Variants in SLF2 observed in about 807,000 individuals in gnomAD.
SLF2 encodes SMC5/6 complex localization factor 2.
A neutral mutation model predicts 124.3 loss-of-function variants in SLF2; 68 were observed. The ratio of observed to expected loss-of-function variants is 0.55; its 90% confidence interval spans 0.45 to 0.67. The LOEUF is 0.67. Among genes scored for constraint, SLF2 ranks in the 30% least tolerant of loss-of-function variants. The pLI is 0.00. For synonymous variants in SLF2, 480 were observed against 478.8 expected (o/e 1.00, Z -0.03); for missense variants, 1,246 against 1,373.7 (o/e 0.91, Z 1.47).
At chr10:100,948,895 C>T (rs1589963667) in intron 15 of SLF2, among the ~76,000 whole-genome samples, 1 of 152,140 alleles carries the variant, frequency 6.6e-6, no homozygotes, top group African/African-American at 2.4e-5. Flanking sequence ...CAAAAAAAAG[C>T]CCCATAGAAC....
chr10:100,961,928 CA>C lies in SLF2; in HGVS notation c.*21del. Reference sequence around the variant, plus strand: ...AGATTCTTAATAGGAGTTGCAGCAGCAAAAATATGAACCAAGAGAAATTCAA... The same window carrying C: ...AGATTCTTAATAGGAGTTGCAGCAGCAAAATATGAACCAAGAGAAATTCAA... On this transcript the variant is annotated 3_prime_UTR_variant, in exon 20 of 20. Transcript: ENST00000238961. The C allele has an allele frequency of 6.3e-7, 1 of 1,599,726 alleles. No individual in the cohort carries two copies. Among genetic ancestry groups the C allele is most frequent in the African/African-American group, 1.3e-5 (1 of 74,702 alleles).
At chr10:100,952,546 CAA>C (rs1189289965) in intron 17 of SLF2, among the ~76,000 whole-genome samples, 22 of 81,636 alleles carry the variant, frequency 2.7e-4, no homozygotes, top group Admixed American at 5.2e-4. Flanking sequence ...GACTCCACCT[CAA>C]AAAAAAAAAA....
At position 100,963,755 on chromosome 10, in the gene SLF2, A is replaced by T. The variant is rs1226672049; in HGVS notation, c.*1843A>T. 12 of 152,200 alleles carry T rather than the reference A, an allele frequency of 7.9e-5. No homozygotes were observed. Among genetic ancestry groups the T allele is most frequent in the Admixed American group, 7.2e-4 (11 of 15,230 alleles). 9.4% of individuals were successfully genotyped at this position (152,200 alleles called of 1,614,324 possible). Reference sequence around the variant, plus strand: ...GTGTAAATATTTTCTAATTGTGTACATTGATGGGGGGGACAAGTGGGTTAT... The same window carrying T: ...GTGTAAATATTTTCTAATTGTGTACTTTGATGGGGGGGACAAGTGGGTTAT... On this transcript the variant is annotated 3_prime_UTR_variant, in exon 20 of 20. Coordinates refer to ENST00000238961, the MANE Select transcript of SLF2 (RefSeq NM_018121.4).
At chr10:100,944,183 G>T in intron 12 of SLF2, 55 bp downstream of exon 12, 1 of 1,202,782 alleles carries the variant, frequency 8.3e-7, no homozygotes, top group South Asian at 1.5e-5. Context: ...TTTAGTCTGT[G>T]GTTAATGGTT....
At position 100,925,953 on chromosome 10, in the gene SLF2, A is replaced by T; in HGVS notation, c.1976A>T (p.His659Leu). ...TTCTAAATGTTCTTGTTTTAGGGAC[A>T]TGTTCATCCTGGAACTTACACAAAT... ...LRSQSSDYTG[H>L]VHPGTYTNTL... The change falls in exon 6 of 20, where the codon CAT becomes CTT. Residue 659 changes from histidine (H) to leucine (L), a missense_variant. By Grantham distance (99) the His-to-Leu change is moderately conservative (BLOSUM62 -3). Coordinates refer to ENST00000238961, the MANE Select transcript of SLF2 (RefSeq NM_018121.4). 6.3e-7 allele frequency: 1 copy of T among 1,589,200 alleles called. No individual in the cohort carries two copies. Among genetic ancestry groups the T allele is most frequent in the East Asian group, 2.2e-5 (1 of 44,664 alleles).
chr10:100,957,496 G>A (rs988118589), intron 18 of SLF2, among the ~76,000 whole-genome samples: 1 of 151,114 alleles, frequency 6.6e-6, no homozygotes, highest in African/African-American at 2.4e-5. Flanking sequence ...GATTACAGGC[G>A]CCCGCTACCA....
intron 4 of SLF2, among the ~76,000 whole-genome samples, chr10:100,919,001 C>CTTTTTTTTT (rs528512219): frequency 6.6e-5 from 7 of 105,704 alleles, no homozygotes; most frequent in African/African-American, 1.3e-4. Flanking sequence ...GAAACATAAT[C>CTTTTTTTTT]TTTTTTTTTT....
chr10:100,934,141 T>C (rs1264803683), intron 9 of SLF2, among the ~76,000 whole-genome samples: 3 of 152,258 alleles, frequency 2.0e-5, no homozygotes, highest in Non-Finnish European at 2.9e-5. Context: ...AAAATTGCCA[T>C]GTAACTTAAC....
At chr10:100,921,357 C>CG (rs1564770907) in intron 4 of SLF2, among the ~76,000 whole-genome samples, 2 of 152,220 alleles carry the variant, frequency 1.3e-5, no homozygotes, top group African/African-American at 4.8e-5. Context: ...GCTGGGATTA[C>CG]GGGCGTGAGC....
intron 15 of SLF2, 118 bp from the exon 16 acceptor site, chr10:100,949,958 T>G (rs1564783493): frequency 1.0e-6 from 1 of 1,004,442 alleles, no homozygotes; most frequent in African/African-American, 1.6e-5. Context: ...TATTGTTAAG[T>G]GTAAAGAAAG....
intron 6 of SLF2, among the ~76,000 whole-genome samples, chr10:100,928,939 A>G (rs1440124506): frequency 6.6e-6 from 1 of 152,190 alleles, no homozygotes; most frequent in African/African-American, 2.4e-5. Context: ...AGTGAACTTT[A>G]AAGAGTAGAG....
intron 11 of SLF2, among the ~76,000 whole-genome samples, chr10:100,940,598 G>T (rs1849950485): frequency 6.6e-6 from 1 of 152,058 alleles, no homozygotes; most frequent in African/African-American, 2.4e-5. Flanking sequence ...CTGAGCTCAG[G>T]CGATCCGCCG....
At chr10:100,951,399 C>T (rs1239148782) in intron 17 of SLF2, among the ~76,000 whole-genome samples, 4 of 152,170 alleles carry the variant, frequency 2.6e-5, no homozygotes, top group Non-Finnish European at 5.9e-5. Context: ...ATATTGACTC[C>T]AGTAGAAATG....
Position 100,922,815 on chromosome 10 carries a change from G to A in SLF2, c.974-1160G>A, listed in dbSNP as rs557879959. On this transcript the variant is annotated intron_variant, in intron 4 of 19. Coordinates refer to ENST00000238961, the MANE Select transcript of SLF2 (RefSeq NM_018121.4). ...TTTTGAAACGGAGTCTTGCTCTGTT[G>A]CCCAGACTGGCGTGCAGTGGTGCCG... is the stretch of plus-strand genomic sequence containing the variant. Among the ~76,000 whole-genome samples, 4 of 140,796 alleles carry A rather than the reference G, an allele frequency of 2.8e-5. No individual in the cohort carries two copies. The Admixed American group carries it at 3.0e-4, about 10-fold the overall frequency. The allele number at this position is 140,796 out of a possible 152,430, so 92.4% of individuals were successfully genotyped here. A position where few individuals can be genotyped will look rare whatever the true frequency, so the allele number is the denominator to read the frequency against.
chr10:100,946,445 A>G (rs1343754235), intron 13 of SLF2, among the ~76,000 whole-genome samples: 6 of 149,730 alleles, frequency 4.0e-5, no homozygotes, highest in Admixed American at 2.7e-4. Flanking sequence ...TCATTCCTCA[A>G]CCTCCCGAGT....
In SLF2 at chr10:100,961,967, A is replaced by T; in HGVS notation, c.*55A>T. The T allele has an allele frequency of 6.7e-7, 1 of 1,497,932 alleles. No homozygotes were observed. The highest frequency in any genetic ancestry group is 9.2e-7 in the Non-Finnish European group (1 of 1,085,202). 92.8% of individuals were successfully genotyped at this position (1,497,932 alleles called of 1,614,324 possible). A position where few individuals can be genotyped will look rare whatever the true frequency, so the allele number is the denominator to read the frequency against. Reference sequence around the variant, plus strand: ...AAGAGAAATTCAATAAGAGCCTTTCATAGAGGAGTAGAAAGGATTATTACA... The same window carrying T: ...AAGAGAAATTCAATAAGAGCCTTTCTTAGAGGAGTAGAAAGGATTATTACA... On this transcript the variant is annotated 3_prime_UTR_variant, in exon 20 of 20. Transcript: ENST00000238961.
chr10:100,928,079 C>CAGAG (rs71013474), intron 6 of SLF2, among the ~76,000 whole-genome samples: 2,155 of 113,050 alleles, frequency 0.019, 72 homozygotes, highest in African/African-American at 0.068. Flanking sequence ...GAGAGAGAGA[C>CAGAG]AGAGAGAGAG....
intron 18 of SLF2, among the ~76,000 whole-genome samples, chr10:100,957,310 G>A (rs992600181): frequency 1.6e-5 from 2 of 122,664 alleles, no homozygotes; most frequent in Non-Finnish European, 3.3e-5. Flanking sequence ...TGAAGAATAT[G>A]TTAAAGGAAG....
At chr10:100,919,891 A>C (rs967750333) in intron 4 of SLF2, among the ~76,000 whole-genome samples, 34 of 152,208 alleles carry the variant, frequency 2.2e-4, no homozygotes, top group Admixed American at 6.5e-5. Flanking sequence ...TTCCTCCTTC[A>C]GGTTTCATCT....
Sources: gnomAD v4.1 joint callset for allele counts (sites outside exome capture counted in the v4.1 genomes callset) on GRCh38, gnomAD v4.1.1 for gene constraint, MANE v1.5 for transcripts, NCBI Gene and HGNC (gene_info 2026-07-23, HGNC 2026-07-21) for gene names.